KDM8: variants seen among roughly 807,000 people sequenced by gnomAD.
KDM8 encodes bifunctional peptidase and arginyl-hydroxylase JMJD5.
A neutral mutation model predicts 46.9 loss-of-function variants in KDM8; 35 were observed. That is an observed-to-expected ratio of 0.75 (90% CI 0.57 to 0.99). KDM8 has a LOEUF of 0.99. Ranked by LOEUF, KDM8 falls within the 50% of genes least tolerant of loss-of-function variation. The pLI is 0.00. For synonymous variants in KDM8, 232 were observed against 227.7 expected (o/e 1.02, Z -0.17); for missense variants, 475 against 537.0 (o/e 0.88, Z 1.14).
In KDM8 at chr16:27,210,237, G is replaced by A. The variant is rs1238835631; in HGVS notation, c.114G>A (p.Gly38=). The A allele has an allele frequency of 5.0e-6, 8 of 1,613,192 alleles. No individual in the cohort carries two copies. The highest frequency in any genetic ancestry group is 5.9e-6 in the Non-Finnish European group (7 of 1,180,056). Residue 38 remains glycine, a synonymous_variant, in exon 2 of 8, where the codon GGG becomes GGA. Transcript: ENST00000286096. ...AAGAAGACCTGAAGTTGGACCTCGG[G>A]GAGAAAGTGGAGAGGAGCGTGGTGA... is the stretch of plus-strand genomic sequence containing the variant. ...HSKEDLKLDL[G]EKVERSVVTL...
intron 2 of KDM8, among the ~76,000 whole-genome samples, chr16:27,212,734 A>G (rs932519714): frequency 2.6e-5 from 4 of 152,058 alleles, no homozygotes; most frequent in Non-Finnish European, 5.9e-5. Flanking sequence ...ACTCGGTCTC[A>G]ATAAATAAAT....
chr16:27,204,352 C>T (rs2083407627), intron 1 of KDM8: 2 of 1,347,242 alleles, frequency 1.5e-6, no homozygotes, highest in South Asian at 1.8e-5. Flanking sequence ...TGGGGCCACA[C>T]GGACGACCCA....
chr16:27,217,334 A>G (rs1483465003), intron 5 of KDM8, among the ~76,000 whole-genome samples: 2 of 152,174 alleles, frequency 1.3e-5, no homozygotes, highest in African/African-American at 2.4e-5. Context: ...GGGAGCACTG[A>G]TTCCCTTCGG....
chr16:27,213,994 A>T (rs2083517958), intron 3 of KDM8: 1 of 448,864 alleles, frequency 2.2e-6, no homozygotes. Context: ...ATGAGTCCCT[A>T]AGTGGCAGTC....
At chr16:27,210,004 C>T (rs575693157) in intron 1 of KDM8, 89 bp from the exon 2 acceptor site, 18 of 1,373,758 alleles carry the variant, frequency 1.3e-5, no homozygotes, top group Admixed American at 2.3e-5. Flanking sequence ...TTGAAAAATC[C>T]TCGCAGATGA....
rs769160458 is a variant in KDM8, at chr16:27,210,139, C to T, written c.16C>T (p.His6Tyr). The change falls in exon 2 of 8, where the codon CAC becomes TAC. Residue 6 changes from histidine to tyrosine, a missense_variant. Coordinates refer to ENST00000286096, the MANE Select transcript of KDM8 (RefSeq NM_024773.3). MAGDT[H>Y]CPAEPLAREG... ...TGGTGGCCCGATGGCTGGAGACACC[C>T]ACTGCCCCGCAGAGCCCCTGGCCAG... The T allele has an allele frequency of 6.2e-7, 1 of 1,612,774 alleles. No homozygotes were observed. Among genetic ancestry groups the T allele is most frequent in the Non-Finnish European group, 8.5e-7 (1 of 1,179,694 alleles).
At chr16:27,210,029 C>T (rs914416391) in intron 1 of KDM8, 64 bp from the exon 2 acceptor site, 53 of 1,464,412 alleles carry the variant, frequency 3.6e-5, no homozygotes, top group South Asian at 1.1e-4. Flanking sequence ...CAGGAAGCTG[C>T]GGGAATGCAC....
At chr16:27,211,187 G>A in intron 2 of KDM8, 1 of 454,804 alleles carries the variant, frequency 2.2e-6, no homozygotes, top group Non-Finnish European at 4.4e-6. Flanking sequence ...AAACTTCGTG[G>A]TTCCTGAGGG....
intron 1 of KDM8, chr16:27,204,160 T>C: frequency 1.3e-6 from 2 of 1,515,270 alleles, no homozygotes. Flanking sequence ...GCCTCGGGGC[T>C]CAAGGCCAGT....
At position 27,218,991 on chromosome 16, in the gene KDM8, C is replaced by T. The variant is rs754794518; in HGVS notation, c.874C>T (p.Pro292Ser). The change falls in exon 6 of 8, where the codon CCC becomes TCC. Residue 292 changes from proline (P) to serine (S), a missense_variant. Coordinates refer to ENST00000286096, the MANE Select transcript of KDM8 (RefSeq NM_024773.3). ...IPELKQDISI[P>S]DYCSLGDGEE... ...GGAGTTGAAGCAGGACATCAGCATC[C>T]CCGACTACTGCAGCCTGGGCGATGG... 4 of 1,614,014 alleles carry T rather than the reference C, an allele frequency of 2.5e-6. No individual in the cohort carries two copies. Among genetic ancestry groups the T allele is most frequent in the African/African-American group, 1.3e-5 (1 of 74,896 alleles).
In KDM8 at chr16:27,221,106, G is replaced by A. The variant is rs1031914600; in HGVS notation, c.*376G>A. ...TTGGCTACCTGATTCAAACCCGGCC[G>A]CGCTGTGCACCTGCTGGGTGACTTG... On this transcript the variant is annotated 3_prime_UTR_variant, in exon 8 of 8. Coordinates refer to ENST00000286096, the MANE Select transcript of KDM8 (RefSeq NM_024773.3). 7 of 362,658 alleles carry A rather than the reference G, an allele frequency of 1.9e-5. No individual in the cohort carries two copies. Among genetic ancestry groups the A allele is most frequent in the African/African-American group, 4.2e-5 (2 of 47,232 alleles). The allele number at this position is 362,658 out of a possible 1,614,324, so 22.5% of individuals were successfully genotyped here. A position where few individuals can be genotyped will look rare whatever the true frequency, so the allele number is the denominator to read the frequency against.
intron 5 of KDM8, 41 bp downstream of exon 5, chr16:27,216,030 C>T (rs2083547064): frequency 1.9e-6 from 3 of 1,607,012 alleles, no homozygotes; most frequent in Non-Finnish European, 2.6e-6. Flanking sequence ...CACCGTCTCA[C>T]CTTCCCCTCT....
chr16:27,216,054 G>T, intron 5 of KDM8, 65 bp downstream of exon 5: 7 of 1,548,854 alleles, frequency 4.5e-6, no homozygotes, highest in Non-Finnish European at 6.2e-6. Flanking sequence ...CCCCTCCTGG[G>T]CTCAGTGCGG....
chr16:27,211,119 CTCT>C, intron 2 of KDM8: 7 of 448,012 alleles, frequency 1.6e-5, no homozygotes, highest in East Asian at 7.0e-5. Flanking sequence ...TTCATTTTCT[CTCT>C]TTTTTTTTTT....
rs775758417 is a variant in KDM8 at position 27,220,758 on chromosome 16, A to G, written c.*28A>G. On this transcript the variant is annotated 3_prime_UTR_variant, in exon 8 of 8. Transcript: ENST00000286096. Reference sequence around the variant, plus strand: ...AGGATAGGAGCTGAAAGGGCCTGACATGCAGACAGCATTCATCTGTTCACT... The same window carrying G: ...AGGATAGGAGCTGAAAGGGCCTGACGTGCAGACAGCATTCATCTGTTCACT... 1.9e-6 allele frequency: 3 copies of G among 1,612,178 alleles called. No individual in the cohort carries two copies. Among genetic ancestry groups the G allele is most frequent in the South Asian group, 1.1e-5 (1 of 91,042 alleles).
At position 27,210,526 on chromosome 16, in the gene KDM8, G is replaced by C. The variant is rs1449669201; in HGVS notation, c.403G>C (p.Gly135Arg). Reference sequence around the variant, plus strand: ...CCTGCTGATGGGGGCAGCCATCCTGGGGGACATCCTTCTTAAAGTCGCTGC... The same window carrying C: ...CCTGCTGATGGGGGCAGCCATCCTGCGGGACATCCTTCTTAAAGTCGCTGC... ...MGLLMGAAIL[G>R]DILLKVAAIL... The change falls in exon 2 of 8, where the codon GGG (glycine) becomes CGG (arginine). Residue 135 changes from glycine (G) to arginine (R), a missense_variant. By Grantham distance (125) the Gly-to-Arg change is moderately radical. Transcript: ENST00000286096. 4.5e-6 allele frequency: 7 copies of C among 1,544,502 alleles called. No homozygotes were observed. Among genetic ancestry groups the C allele is most frequent in the Non-Finnish European group, 6.1e-6 (7 of 1,144,252 alleles).
intron 5 of KDM8, 197 bp downstream of exon 5, chr16:27,216,186 C>G: frequency 1.6e-6 from 1 of 614,540 alleles, no homozygotes; most frequent in South Asian, 1.9e-5. Flanking sequence ...GCCAGTGCCC[C>G]GAGGATTGTA....
intron 5 of KDM8, 95 bp downstream of exon 5, chr16:27,216,084 TA>T (rs1348355144): frequency 1.5e-6 from 2 of 1,334,904 alleles, no homozygotes; most frequent in African/African-American, 2.9e-5. Flanking sequence ...TGAGCGTGAG[TA>T]GGAGGGAGGC....
At chr16:27,208,227 C>T (rs2083445140) in intron 1 of KDM8, among the ~76,000 whole-genome samples, 1 of 152,198 alleles carries the variant, frequency 6.6e-6, no homozygotes, top group Non-Finnish European at 1.5e-5. Context: ...GCAGATAGGC[C>T]GCCTATGAAG....
Sources: gnomAD v4.1 joint callset for allele counts (sites outside exome capture counted in the v4.1 genomes callset) on GRCh38, gnomAD v4.1.1 for gene constraint, MANE v1.5 for transcripts, NCBI Gene and HGNC (gene_info 2026-07-23, HGNC 2026-07-21) for gene names.